MARCHF4: variants seen among roughly 807,000 people sequenced by gnomAD.
The protein encoded by MARCHF4 is E3 ubiquitin-protein ligase MARCHF4.
Under a neutral mutation model 43.9 loss-of-function variants are expected in MARCHF4, and 14 were observed. That is an observed-to-expected ratio of 0.32 (90% CI 0.21 to 0.50). MARCHF4 has a LOEUF of 0.50. MARCHF4 is among the 20% of genes least tolerant of loss of function. The pLI is 0.98. For synonymous variants in MARCHF4, 226 were observed against 213.3 expected (o/e 1.06, Z -0.52); for missense variants, 468 against 536.7 (o/e 0.87, Z 1.27).
At chr2:216,305,491 C>T (rs116595203) in intron 1 of MARCHF4, among the ~76,000 whole-genome samples, 35 of 152,188 alleles carry the variant, frequency 2.3e-4, no homozygotes, top group African/African-American at 7.2e-4. Context: ...CCGGCTCTAA[C>T]GCTAAGACAA....
chr2:216,333,807 G>C (rs1273797083), intron 1 of MARCHF4, among the ~76,000 whole-genome samples: 1 of 152,084 alleles, frequency 6.6e-6, no homozygotes, highest in Non-Finnish European at 1.5e-5. Context: ...CCCGTCCCTA[G>C]GACACATCTC....
At position 216,259,732 on chromosome 2, in the gene MARCHF4, C is replaced by G. The variant is rs748500156; in HGVS notation, c.866-53G>C. 7.7e-6 allele frequency: 12 copies of G among 1,551,174 alleles called. No individual in the cohort carries two copies. In the East Asian group the frequency reaches 2.7e-4, roughly 35 times the overall value. On this transcript the variant is annotated intron_variant, in intron 3 of 3. Transcript: ENST00000273067. ...AGGCCAAATGAGAGGAAGTGGGTCA[C>G]GGCCAGGAGACCACAGTCTCTCTGA...
At chr2:216,277,284 G>A (rs995000175) in intron 3 of MARCHF4, among the ~76,000 whole-genome samples, 1 of 152,196 alleles carries the variant, frequency 6.6e-6, no homozygotes, top group Non-Finnish European at 1.5e-5. Context: ...GTAGTTTGCT[G>A]TGAAGAGAAT....
At chr2:216,304,027 A>G (rs1013461789) in intron 1 of MARCHF4, among the ~76,000 whole-genome samples, 13 of 152,196 alleles carry the variant, frequency 8.5e-5, no homozygotes, top group African/African-American at 3.1e-4. Flanking sequence ...GAACTTGGAA[A>G]GAGAAATTTA....
At chr2:216,265,234 T>C (rs1171690756) in intron 3 of MARCHF4, among the ~76,000 whole-genome samples, 1 of 152,186 alleles carries the variant, frequency 6.6e-6, no homozygotes, top group Non-Finnish European at 1.5e-5. Flanking sequence ...TTTGATTAAG[T>C]CCTTTCTGGT....
chr2:216,336,003 G>A (rs745739931), intron 1 of MARCHF4, among the ~76,000 whole-genome samples: 1 of 149,778 alleles, frequency 6.7e-6, no homozygotes, highest in Non-Finnish European at 1.5e-5. Context: ...GTGAGGTGGA[G>A]GTTGCAGTGA....
chr2:216,350,304 G>A (rs1479112905), intron 1 of MARCHF4, among the ~76,000 whole-genome samples: 2 of 87,048 alleles, frequency 2.3e-5, no homozygotes, highest in Admixed American at 1.6e-4. Flanking sequence ...CCCCCTCACT[G>A]TGCCACACCC....
rs424896 is a variant in MARCHF4, at chr2:216,299,364, A to C, written c.517-15635T>G. Among the ~76,000 whole-genome samples, 980 of 152,292 alleles carry C rather than the reference A, an allele frequency of 6.4e-3. 4 individuals are homozygous for C. Among genetic ancestry groups the C allele is most frequent in the Admixed American group, 0.012 (187 of 15,300 alleles). On this transcript the variant is annotated intron_variant, in intron 1 of 3. Coordinates refer to ENST00000273067, the MANE Select transcript of MARCHF4 (RefSeq NM_020814.3). The stretch of plus-strand genomic sequence containing the variant: ...GTGGAGTATTCTCATCAAGCGTCTC[A>C]GCATAGTCAGTCTCTGAGATGGCAA...
At chr2:216,291,385 T>C (rs949581920) in intron 1 of MARCHF4, among the ~76,000 whole-genome samples, 3 of 152,160 alleles carry the variant, frequency 2.0e-5, no homozygotes, top group Non-Finnish European at 4.4e-5. Flanking sequence ...AGAGTGAAGA[T>C]TGGCGGGGGA....
intron 3 of MARCHF4, among the ~76,000 whole-genome samples, chr2:216,262,542 T>A (rs540482288): frequency 1.1e-4 from 16 of 152,104 alleles, no homozygotes; most frequent in Middle Eastern, 6.8e-3. Context: ...GGTTAGAGGA[T>A]TATTGGAGTC....
At chr2:216,271,130 G>A (rs557080402) in intron 3 of MARCHF4, among the ~76,000 whole-genome samples, 3 of 152,252 alleles carry the variant, frequency 2.0e-5, no homozygotes, top group African/African-American at 7.2e-5. Context: ...AAATCTGAGT[G>A]GCTTAGCATA....
chr2:216,281,850 A>T (rs1177838485), intron 2 of MARCHF4, among the ~76,000 whole-genome samples: 2 of 152,174 alleles, frequency 1.3e-5, no homozygotes, highest in East Asian at 3.9e-4. Context: ...ATAGATCCAT[A>T]TTGCTAACAC....
chr2:216,319,425 A>G (rs1691843861), intron 1 of MARCHF4, among the ~76,000 whole-genome samples: 3 of 152,154 alleles, frequency 2.0e-5, no homozygotes, highest in African/African-American at 7.2e-5. Flanking sequence ...AGACACTCAT[A>G]AATGCTCGTG....
At chr2:216,354,972 TTTCTTTC>T (rs1236624003) in intron 1 of MARCHF4, among the ~76,000 whole-genome samples, 1 of 139,570 alleles carries the variant, frequency 7.2e-6, no homozygotes, top group East Asian at 2.2e-4. Flanking sequence ...TCTTTCTTTC[TTTCTTTC>T]TTTCTTTTTT....
chr2:216,305,832 C>T (rs1691577969), intron 1 of MARCHF4, among the ~76,000 whole-genome samples: 1 of 152,180 alleles, frequency 6.6e-6, no homozygotes, highest in African/African-American at 2.4e-5. Context: ...CTGTACTCAG[C>T]CCGTCGGAGG....
intron 2 of MARCHF4, among the ~76,000 whole-genome samples, chr2:216,278,628 TACA>T (rs1691074980): frequency 6.6e-6 from 1 of 152,192 alleles, no homozygotes; most frequent in Non-Finnish European, 1.5e-5. Flanking sequence ...TCTTGCTTTC[TACA>T]ACATCACCTT....
intron 1 of MARCHF4, among the ~76,000 whole-genome samples, chr2:216,324,800 T>G (rs1574477749): frequency 1.8e-5 from 2 of 113,016 alleles, no homozygotes; most frequent in East Asian, 7.2e-4. Flanking sequence ...AATTAGGTAT[T>G]GATGGGTCGT....
chr2:216,266,310 G>T (rs376348641), intron 3 of MARCHF4, among the ~76,000 whole-genome samples: 1 of 152,062 alleles, frequency 6.6e-6, no homozygotes, highest in African/African-American at 2.4e-5. Flanking sequence ...TGAGTCCTGC[G>T]TGCCAATACC....
chr2:216,344,566 T>G (rs1033084), intron 1 of MARCHF4, among the ~76,000 whole-genome samples: 70,627 of 151,932 alleles, frequency 0.46, 17,314 homozygotes, highest in East Asian at 0.64. Flanking sequence ...TACTTAATGT[T>G]CAGGGGAATC....
Sources: allele counts gnomAD v4.1 joint callset (sites outside exome capture counted in the v4.1 genomes callset), GRCh38; gene constraint gnomAD v4.1.1; transcripts MANE v1.5; gene names NCBI Gene and HGNC (gene_info 2026-07-23, HGNC 2026-07-21).